FLT3: variants seen among roughly 807,000 people sequenced by gnomAD.
The protein encoded by FLT3 is fms related receptor tyrosine kinase 3.
FLT3 carries 46 observed loss-of-function variants against 126.6 expected under a neutral mutation model. That is an observed-to-expected ratio of 0.36 (90% confidence interval 0.29 to 0.46). The LOEUF (loss-of-function observed/expected upper bound fraction) is 0.46, where lower values mean the gene tolerates loss of function less well. FLT3 is among the 20% of genes least tolerant of loss of function. FLT3 has a pLI of 1.00. For missense variants in FLT3, 1,069 were observed against 1,190.3 expected (o/e 0.90, Z 1.50); for synonymous variants, 404 against 434.4 (o/e 0.93, Z 0.87).
intron 4 of FLT3, among the ~76,000 whole-genome samples, chr13:28,053,174 TCA>T (rs10549768): frequency 0.78 from 115,744 of 149,174 alleles, 44,951 homozygotes; most frequent in East Asian, 0.95. Context: ...TCACCCTGGA[TCA>T]CACACACACA....
intron 23 of FLT3, among the ~76,000 whole-genome samples, chr13:28,011,713 C>T (rs113146024): frequency 3.6e-5 from 3 of 83,650 alleles, no homozygotes; most frequent in Non-Finnish European, 8.1e-5. Flanking sequence ...CTCTTTTTCT[C>T]TTTCTTTCTT....
chr13:28,005,567 T>C (rs1218195786), intron 23 of FLT3, among the ~76,000 whole-genome samples: 1 of 152,180 alleles, frequency 6.6e-6, no homozygotes, highest in Non-Finnish European at 1.5e-5. Flanking sequence ...TCCATAGTAC[T>C]GATGCATCAT....
At chr13:28,018,619 A>G (rs2137624647) in intron 19 of FLT3, 30 bp from the exon 20 acceptor site, 1 of 1,612,388 alleles carries the variant, frequency 6.2e-7, no homozygotes, top group Non-Finnish European at 8.5e-7. Context: ...AGTGTTATTT[A>G]CTGTGATGTG....
At chr13:28,057,229 C>T (rs1276467057) in intron 4 of FLT3, 118 bp downstream of exon 4, 22 of 667,242 alleles carry the variant, frequency 3.3e-5, no homozygotes, top group South Asian at 2.3e-4. Context: ...AATCCAACTA[C>T]GTATCAAGGG....
Position 28,014,448 on chromosome 13 carries a change from A to C in FLT3, c.2859+4T>G, listed in dbSNP as rs764257600. The C allele has an allele frequency of 2.5e-6, 4 of 1,601,016 alleles. No homozygotes were observed. The East Asian group carries it at 6.7e-5, about 27-fold the overall frequency. On this transcript the variant is annotated splice_donor_region_variant and intron_variant, in intron 23 of 23. Coordinates refer to ENST00000241453, the MANE Select transcript of FLT3 (RefSeq NM_004119.3). The stretch of plus-strand genomic sequence containing the variant: ...AGCTTTATAAAGTCCTGGCTGCTAC[A>C]TACCGCTTCTTCTGCATCTGCCAGC...
intron 1 of FLT3, among the ~76,000 whole-genome samples, chr13:28,099,574 G>A (rs867386948): frequency 6.6e-6 from 1 of 152,198 alleles, no homozygotes; most frequent in Non-Finnish European, 1.5e-5. Flanking sequence ...AGGACGCGGA[G>A]GCCGGGGGAG....
intron 1 of FLT3, 79 bp from the exon 2 acceptor site, chr13:28,070,691 C>T (rs1354513638): frequency 1.0e-5 from 12 of 1,149,978 alleles, no homozygotes; most frequent in South Asian, 2.8e-5. Flanking sequence ...TGCAACCAAA[C>T]AACAAAACAA....
At chr13:28,057,782 G>C (rs1039717159) in intron 3 of FLT3, among the ~76,000 whole-genome samples, 1 of 152,196 alleles carries the variant, frequency 6.6e-6, no homozygotes, top group African/African-American at 2.4e-5. Context: ...GCTCATACCT[G>C]TAATCTCAGA....
chr13:28,070,972 A>G (rs7983026), intron 1 of FLT3, among the ~76,000 whole-genome samples: 136,489 of 144,464 alleles, frequency 0.94, 64,914 homozygotes, highest in Non-Finnish European at 1. Flanking sequence ...TGCACTTTTT[A>G]TTGTATATAG....
chr13:28,046,683 C>T (rs1473942687), intron 9 of FLT3, among the ~76,000 whole-genome samples: 1 of 152,040 alleles, frequency 6.6e-6, no homozygotes, highest in Non-Finnish European at 1.5e-5. Flanking sequence ...GCAGCCTCGA[C>T]CACCTGGGCT....
intron 23 of FLT3, among the ~76,000 whole-genome samples, chr13:28,006,952 G>A (rs577237543): frequency 1.6e-4 from 24 of 152,022 alleles, no homozygotes; most frequent in African/African-American, 5.1e-4. Flanking sequence ...TGTTGACCAG[G>A]CTGGTCTTGC....
At chr13:28,085,306 T>G (rs781256671) in intron 1 of FLT3, among the ~76,000 whole-genome samples, 41 of 131,732 alleles carry the variant, frequency 3.1e-4, no homozygotes, top group Non-Finnish European at 5.6e-4. Context: ...ATTGTGCCAC[T>G]GCACTCCAGC....
chr13:28,059,792 G>A (rs1373703757), intron 3 of FLT3, among the ~76,000 whole-genome samples: 3 of 151,424 alleles, frequency 2.0e-5, no homozygotes, highest in Non-Finnish European at 4.4e-5. Context: ...AAACCCCACC[G>A]CTATTAAAAA....
At chr13:28,037,349 A>T in intron 9 of FLT3, 61 bp from the exon 10 acceptor site, 1 of 966,610 alleles carries the variant, frequency 1.0e-6, no homozygotes, top group Non-Finnish European at 1.7e-6. Context: ...GCTGCAACTA[A>T]TGACAGTGTG....
chr13:28,054,096 A>G (rs1392586615), intron 4 of FLT3, among the ~76,000 whole-genome samples: 1 of 152,138 alleles, frequency 6.6e-6, no homozygotes, highest in Non-Finnish European at 1.5e-5. Flanking sequence ...TTCCTTAATA[A>G]CATTCTTAAG....
Position 28,003,648 on chromosome 13 carries a change from T to A in FLT3, c.*404A>T, listed in dbSNP as rs1452463974. On this transcript the variant is annotated 3_prime_UTR_variant, in exon 24 of 24. Coordinates refer to ENST00000241453, the MANE Select transcript of FLT3 (RefSeq NM_004119.3). ...AGAAATTTTATTCCCACCCATAAAA[T>A]ATATCACTAAATAGCTGAAAAATTT... 8.0e-6 allele frequency: 2 copies of A among 251,150 alleles called. No individual in the cohort carries two copies. Among genetic ancestry groups the A allele is most frequent in the East Asian group, 1.1e-4 (2 of 18,122 alleles). The allele number at this position is 251,150 out of a possible 1,614,324, so 15.6% of individuals were successfully genotyped here.
At chr13:28,025,835 C>T (rs762320039) in intron 17 of FLT3, among the ~76,000 whole-genome samples, 3 of 152,082 alleles carry the variant, frequency 2.0e-5, no homozygotes. Context: ...TGCACACGGA[C>T]GTGCATGGGG....
rs7990001 is a variant in FLT3 at position 28,037,582 on chromosome 13, A to G, written c.1206-294T>C. On this transcript the variant is annotated intron_variant, in intron 9 of 23. Transcript: ENST00000241453. ...TTTTAAGATGATCACCATGTGAGTC[A>G]TATGCCCATTGGGAGTTGGGATTGG... Among the ~76,000 whole-genome samples, 11,153 of 152,250 alleles carry G rather than the reference A, an allele frequency of 0.073. 1,347 individuals are homozygous for G. Among genetic ancestry groups the G allele is most frequent in the African/African-American group, 0.25 (10,355 of 41,516 alleles).
At chr13:28,012,020 A>G (rs925250521) in intron 23 of FLT3, among the ~76,000 whole-genome samples, 2 of 151,908 alleles carry the variant, frequency 1.3e-5, no homozygotes, top group African/African-American at 4.8e-5. Flanking sequence ...TCTGGAACTC[A>G]TGACCTCAAG....
Sources: allele counts gnomAD v4.1 joint callset (sites outside exome capture counted in the v4.1 genomes callset), GRCh38; gene constraint gnomAD v4.1.1; transcripts MANE v1.5; gene names NCBI Gene and HGNC (gene_info 2026-07-23, HGNC 2026-07-21).